VSIG2: variants seen among roughly 807,000 people sequenced by gnomAD.
VSIG2 encodes V-set and immunoglobulin domain containing 2.
A neutral mutation model predicts 29.4 loss-of-function variants in VSIG2; 30 were observed. The observed-to-expected ratio is 1.02, with a 90% CI of 0.76 to 1.38. VSIG2 has a LOEUF of 1.38. Among genes scored for constraint, VSIG2 ranks in the 40% most tolerant of loss-of-function variants. The pLI, the probability that VSIG2 is intolerant of heterozygous loss-of-function variation, is 0.00. For synonymous variants in VSIG2, 178 were observed against 174.2 expected (o/e 1.02, Z -0.17); for missense variants, 421 against 400.8 (o/e 1.05, Z -0.43).
intron 1 of VSIG2, 81 bp downstream of exon 1, chr11:124,751,996 G>A: frequency 7.0e-7 from 1 of 1,436,958 alleles, no homozygotes; most frequent in Non-Finnish European, 9.1e-7. Flanking sequence ...GCCTGGCGGG[G>A]ACAGAGTGGG....
Position 124,751,555 on chromosome 11 carries a change from G to A in VSIG2, c.87C>T (p.Pro29=). 1 of 1,606,682 alleles carries A rather than the reference G, an allele frequency of 6.2e-7. No homozygotes were observed. Residue 29 remains proline, a synonymous_variant, in exon 2 of 7, where the codon CCC becomes CCT. Transcript: ENST00000326621. ...CCAGGGGCGTGCTCAGCGGCTCTGT[G>A]GGTACCTTCACCTCCACGGCCAGCC... ...LSGLAVEVKV[P]TEPLSTPLGK...
chr11:124,749,885 A>AAAAAAAAAAAAAAAAAAAAAAAAAAAAC lies in VSIG2; in HGVS notation c.428-20_428-19insGTTTTTTTTTTTTTTTTTTTTTTTTTTT. The AAAAAAAAAAAAAAAAAAAAAAAAAAAAC allele has an allele frequency of 1.4e-6, 2 of 1,417,520 alleles. No homozygotes were observed. Among genetic ancestry groups the AAAAAAAAAAAAAAAAAAAAAAAAAAAAC allele is most frequent in the Non-Finnish European group, 9.3e-7 (1 of 1,078,330 alleles). 87.8% of individuals were successfully genotyped at this position (1,417,520 alleles called of 1,614,324 possible). A position where few individuals can be genotyped will look rare whatever the true frequency, so the allele number is the denominator to read the frequency against. Reference sequence around the variant, plus strand: ...GGGGGAACTGCAAAAAAAAAAAAAAAAAAAAAAAAACAGAAAGTTCCTCAG... The same window carrying AAAAAAAAAAAAAAAAAAAAAAAAAAAAC: ...GGGGGAACTGCAAAAAAAAAAAAAAAAAAAAAAAAAAAAAAAAAAAAAAAAAACAAAAAAAAAACAGAAAGTTCCTCAG... On this transcript the variant is annotated intron_variant, in intron 3 of 6. Transcript: ENST00000326621.
At chr11:124,747,724 C>A (rs947574041) in intron 6 of VSIG2, 57 bp from the exon 7 acceptor site, 2 of 1,560,286 alleles carry the variant, frequency 1.3e-6, no homozygotes, top group Non-Finnish European at 1.7e-6. Flanking sequence ...GGAGGAGGGC[C>A]GTCCTCTAAC....
Position 124,749,851 on chromosome 11 carries a change from G to C in VSIG2, c.443C>G (p.Pro148Arg), listed in dbSNP as rs76654665. 1 of 1,430,010 alleles carries C rather than the reference G, an allele frequency of 7.0e-7. No homozygotes were observed. The highest frequency in any genetic ancestry group is 2.3e-5 in the Admixed American group (1 of 43,870). 88.6% of individuals were successfully genotyped at this position (1,430,010 alleles called of 1,614,324 possible). Residue 148 changes from proline (P) to arginine (R), a missense_variant, in exon 4 of 7, where the codon CCC (proline) becomes CGC (arginine). By Grantham distance (103) the Pro-to-Arg change is moderately radical (BLOSUM62 -2). Coordinates refer to ENST00000326621, the MANE Select transcript of VSIG2 (RefSeq NM_014312.5). Reference protein sequence around the residue: ...NLTVLVPPSNPLCSQSGQTSV... With the variant: ...NLTVLVPPSNRLCSQSGQTSV... ...GGTTTGTCCACTCTGACTGCATAAG[G>C]GATTACTGGGGGGAACTGCAAAAAA...
At position 124,749,884 on chromosome 11, in the gene VSIG2, A is replaced by AAACAAAAAAAAAAC. The variant is rs1555108824; in HGVS notation, c.428-19_428-18insGTTTTTTTTTTGTT. On this transcript the variant is annotated intron_variant, in intron 3 of 6. Transcript: ENST00000326621. ...GGGGGGAACTGCAAAAAAAAAAAAA[A>AAACAAAAAAAAAAC]AAAAAAAAAAACAGAAAGTTCCTCA... 2.5e-5 allele frequency: 37 copies of AAACAAAAAAAAAAC among 1,460,422 alleles called. No homozygotes were observed. The highest frequency in any genetic ancestry group is 2.4e-4 in the African/African-American group (15 of 63,282). 90.5% of individuals were successfully genotyped at this position (1,460,422 alleles called of 1,614,324 possible).
chr11:124,750,134 G>A (rs887133850), intron 3 of VSIG2, among the ~76,000 whole-genome samples: 1 of 152,158 alleles, frequency 6.6e-6, no homozygotes, highest in Non-Finnish European at 1.5e-5. Context: ...TGCCCTTTGG[G>A]CCCACAAAGA....
chr11:124,748,390 C>G lies in VSIG2; in HGVS notation c.851G>C (p.Arg284Pro). The G allele has an allele frequency of 1.9e-6, 3 of 1,607,504 alleles. No homozygotes were observed. The highest frequency in any genetic ancestry group is 2.5e-6 in the Non-Finnish European group (3 of 1,177,008). The change falls in exon 6 of 7, where the codon CGG (arginine) becomes CCG (proline). Residue 284 changes from arginine to proline, a missense_variant and splice_region_variant. Physicochemically the swap from Arg to Pro is moderately radical, Grantham distance 103 (BLOSUM62 -2). Transcript: ENST00000326621. ...GCCACCCCCCAGCCCTCCTGCTCAC[C>G]GAAGGTCACTACCCCCATATGTCTC... ...PKETYGGSDL[R>P]EDAIAPGISE...
Position 124,752,077 on chromosome 11 carries a change from C to T in VSIG2, c.61G>A (p.Gly21Arg). ...GTGGTCCCGCCCGGCCCCTCCTCAC[C>T]ACTCAGGCACAGGAAGCCTAGCAGG... is the stretch of plus-strand genomic sequence containing the variant. ...GALLGFLCLS[G>R]LAVEVKVPTE... The change falls in exon 1 of 7, where the codon GGG (glycine) becomes AGG (arginine). Residue 21 changes from glycine to arginine, a missense_variant and splice_region_variant. Transcript: ENST00000326621. 6.2e-7 allele frequency: 1 copy of T among 1,606,192 alleles called. No individual in the cohort carries two copies.
Position 124,749,884 on chromosome 11 carries a change from A to AAAACAAAAAAAAACC in VSIG2, c.428-19_428-18insGGTTTTTTTTTGTTT. On this transcript the variant is annotated intron_variant, in intron 3 of 6. Transcript: ENST00000326621. Reference sequence around the variant, plus strand: ...GGGGGGAACTGCAAAAAAAAAAAAAAAAAAAAAAAAACAGAAAGTTCCTCA... The same window carrying AAAACAAAAAAAAACC: ...GGGGGGAACTGCAAAAAAAAAAAAAAAAACAAAAAAAAACCAAAAAAAAAAACAGAAAGTTCCTCA... 2 of 1,460,326 alleles carry AAAACAAAAAAAAACC rather than the reference A, an allele frequency of 1.4e-6. No individual in the cohort carries two copies. The highest frequency in any genetic ancestry group is 1.6e-5 in the African/African-American group (1 of 63,126). The allele number at this position is 1,460,326 out of a possible 1,614,324, so 90.5% of individuals were successfully genotyped here.
intron 6 of VSIG2, 30 bp downstream of exon 6, chr11:124,748,360 C>T (rs1309666935): frequency 6.3e-7 from 1 of 1,575,912 alleles, no homozygotes; most frequent in Non-Finnish European, 8.6e-7. Context: ...TTCCTCCCTC[C>T]TTGCGCCACC....
intron 3 of VSIG2, among the ~76,000 whole-genome samples, 200 bp from the exon 4 acceptor site, chr11:124,750,066 T>G (rs1398462875): frequency 6.6e-6 from 1 of 152,144 alleles, no homozygotes; most frequent in Non-Finnish European, 1.5e-5. Flanking sequence ...AGAAAATTCT[T>G]CTTCATGTTG....
intron 6 of VSIG2, 109 bp downstream of exon 6, chr11:124,748,281 C>G (rs1435897586): frequency 7.1e-6 from 9 of 1,261,144 alleles, no homozygotes; most frequent in Middle Eastern, 2.8e-4. Flanking sequence ...ACAACACCTC[C>G]TGCCCCTAAA....
chr11:124,751,121 GTCTC>G (rs10699910), intron 2 of VSIG2, among the ~76,000 whole-genome samples, 200 bp from the exon 3 acceptor site: 2 of 149,684 alleles, frequency 1.3e-5, no homozygotes, highest in Non-Finnish European at 3.0e-5. Context: ...TGATCCATTG[GTCTC>G]TCTCTCTCTC....
rs1355904881 is a variant in VSIG2 at position 124,749,967 on chromosome 11, C to G, written c.428-101G>C. 5.3e-6 allele frequency: 7 copies of G among 1,317,042 alleles called. No homozygotes were observed. In the East Asian group the frequency reaches 7.7e-5, roughly 15 times the overall value. 81.6% of individuals were successfully genotyped at this position (1,317,042 alleles called of 1,614,324 possible). A position where few individuals can be genotyped will look rare whatever the true frequency, so the allele number is the denominator to read the frequency against. ...GGTGCTACATTCTCTACTTCAATACCCCTATCAAACAGTGGTCCTCTTGGG... is the reference window on the plus strand; with the variant it reads ...GGTGCTACATTCTCTACTTCAATACGCCTATCAAACAGTGGTCCTCTTGGG... On this transcript the variant is annotated intron_variant, in intron 3 of 6. Transcript: ENST00000326621.
chr11:124,748,242 C>G (rs2134449767), intron 6 of VSIG2, 148 bp downstream of exon 6: 1 of 911,130 alleles, frequency 1.1e-6, no homozygotes, highest in Non-Finnish European at 1.7e-6. Context: ...ACAGGTTACA[C>G]TGCTGCCACC....
At chr11:124,748,898 G>T in intron 4 of VSIG2, 135 bp from the exon 5 acceptor site, 1 of 1,275,056 alleles carries the variant, frequency 7.8e-7, no homozygotes, top group Non-Finnish European at 1.1e-6. Context: ...GGAGGAAACC[G>T]GTTCAGAAGA....
Position 124,749,884 on chromosome 11 carries a change from A to AAAAAAAAAAAAAAAAAAC in VSIG2, c.428-19_428-18insGTTTTTTTTTTTTTTTTT. ...GGGGGGAACTGCAAAAAAAAAAAAA[A>AAAAAAAAAAAAAAAAAAC]AAAAAAAAAAACAGAAAGTTCCTCA... On this transcript the variant is annotated intron_variant, in intron 3 of 6. Transcript: ENST00000326621. 3 of 1,460,312 alleles carry AAAAAAAAAAAAAAAAAAC rather than the reference A, an allele frequency of 2.1e-6. No individual in the cohort carries two copies. Among genetic ancestry groups the AAAAAAAAAAAAAAAAAAC allele is most frequent in the African/African-American group, 1.6e-5 (1 of 63,120 alleles). 90.5% of individuals were successfully genotyped at this position (1,460,312 alleles called of 1,614,324 possible).
At position 124,748,508 on chromosome 11, in the gene VSIG2, C is replaced by T. The variant is rs760327288; in HGVS notation, c.733G>A (p.Ala245Thr). ...ACGCCCAGGAGCACCCCAATCAGAG[C>T]TCCGGCCACTCGGCCTTGGGAGGGT... ...TEPSQGRVAGALIGVLLGVLL... is the reference protein window; with the variant it reads ...TEPSQGRVAGTLIGVLLGVLL... Residue 245 changes from alanine to threonine, a missense_variant, in exon 6 of 7, where the codon GCT (alanine) becomes ACT (threonine). By Grantham distance (58) the Ala-to-Thr change is moderately conservative. Coordinates refer to ENST00000326621, the MANE Select transcript of VSIG2 (RefSeq NM_014312.5). The T allele has an allele frequency of 3.1e-6, 5 of 1,614,068 alleles. No individual in the cohort carries two copies. In the African/African-American group the frequency reaches 6.7e-5, roughly 22 times the overall value.
At chr11:124,751,902 T>C (rs1944091105) in intron 1 of VSIG2, among the ~76,000 whole-genome samples, 175 bp downstream of exon 1, 1 of 152,184 alleles carries the variant, frequency 6.6e-6, no homozygotes, top group Non-Finnish European at 1.5e-5. Flanking sequence ...GTCTCTCTCC[T>C]ACGCCCTCCG....
Sources: gnomAD v4.1 joint callset for allele counts (sites outside exome capture counted in the v4.1 genomes callset) on GRCh38, gnomAD v4.1.1 for gene constraint, MANE v1.5 for transcripts, NCBI Gene and HGNC (gene_info 2026-07-23, HGNC 2026-07-21) for gene names.